MECOM: variants seen among roughly 807,000 people sequenced by gnomAD.
The protein encoded by MECOM is histone-lysine N-methyltransferase MECOM.
MECOM carries 13 observed loss-of-function variants against 116.3 expected under a neutral mutation model. That is an observed-to-expected ratio of 0.11 (90% CI 0.07 to 0.18). The LOEUF is 0.18. Among genes scored for constraint, MECOM ranks in the 10% least tolerant of loss-of-function variants. The pLI is 1.00. For missense variants in MECOM, 1,299 were observed against 1,509.0 expected, an observed-to-expected ratio of 0.86 and a Z score of 2.31; for synonymous variants, 528 against 535.2, an observed-to-expected ratio of 0.99 and a Z score of 0.19.
intron 2 of MECOM, among the ~76,000 whole-genome samples, chr3:169,379,602 A>G (rs1257824887): frequency 6.6e-6 from 1 of 152,132 alleles, no homozygotes. Flanking sequence ...TCATCCACCA[A>G]TCCATAGGTA....
At chr3:169,194,206 T>A (rs1306727673) in intron 2 of MECOM, among the ~76,000 whole-genome samples, 1 of 151,968 alleles carries the variant, frequency 6.6e-6, no homozygotes, top group Non-Finnish European at 1.5e-5. Context: ...TATAAAAAAA[T>A]CTTAAAAAAT....
chr3:169,221,591 G>A (rs1226221103), intron 2 of MECOM, among the ~76,000 whole-genome samples: 1 of 151,254 alleles, frequency 6.6e-6, no homozygotes, highest in African/African-American at 2.4e-5. Context: ...AAAGCCAGTG[G>A]CAGCTCCTGG....
chr3:169,527,208 G>A (rs1286193052), intron 1 of MECOM, among the ~76,000 whole-genome samples: 1 of 152,170 alleles, frequency 6.6e-6, no homozygotes, highest in African/African-American at 2.4e-5. Flanking sequence ...GGAGAAGGAG[G>A]GGGAGGAGGA....
intron 1 of MECOM, among the ~76,000 whole-genome samples, chr3:169,472,594 AAAGGAAAGGAAAGGAAAGG>A (rs1749630675): frequency 6.4e-5 from 4 of 62,796 alleles, no homozygotes; most frequent in African/African-American, 4.5e-4. Context: ...AAAGGAAAGG[AAAGGAAAGGAAAGGAAAGG>A]AAAGAAAAGA....
At chr3:169,358,025 T>G (rs2149817075) in intron 2 of MECOM, among the ~76,000 whole-genome samples, 1 of 151,934 alleles carries the variant, frequency 6.6e-6, no homozygotes. Context: ...CAGCGCCTTA[T>G]GTAAATCCAA....
At chr3:169,242,377 T>C (rs1754977034) in intron 2 of MECOM, among the ~76,000 whole-genome samples, 1 of 152,178 alleles carries the variant, frequency 6.6e-6, no homozygotes, top group African/African-American at 2.4e-5. Context: ...GTCTCAAGTC[T>C]ATGAGCTACA....
At chr3:169,615,384 CTAAAT>C (rs917661618) in intron 1 of MECOM, among the ~76,000 whole-genome samples, 5 of 152,202 alleles carry the variant, frequency 3.3e-5, no homozygotes, top group Non-Finnish European at 5.9e-5. Flanking sequence ...ACTTTGAGAA[CTAAAT>C]TAAAAGTTAT....
intron 2 of MECOM, among the ~76,000 whole-genome samples, chr3:169,269,811 C>T (rs922128997): frequency 6.6e-6 from 1 of 152,148 alleles, no homozygotes; most frequent in Non-Finnish European, 1.5e-5. Flanking sequence ...TTCTTTGGTG[C>T]TATTTTTAAT....
rs1273952169 is a variant in MECOM at position 169,108,093 on chromosome 3, G to A, written c.2578-141C>T. The A allele has an allele frequency of 2.5e-5, 14 of 563,016 alleles. No individual in the cohort carries two copies. In the South Asian group the frequency reaches 3.6e-4, roughly 14 times the overall value. The allele number at this position is 563,016 out of a possible 1,614,324, so 34.9% of individuals were successfully genotyped here. ...TAACTGTACCTTGAGTAAAAGCTTT[G>A]GAAATAAAAATTAAATATTGTTATA... On this transcript the variant is annotated intron_variant, in intron 9 of 16. Coordinates refer to ENST00000651503, the MANE Select transcript of MECOM (RefSeq NM_004991.4).
intron 1 of MECOM, among the ~76,000 whole-genome samples, chr3:169,588,269 C>G (rs191383706): frequency 6.6e-6 from 1 of 152,102 alleles, no homozygotes; most frequent in African/African-American, 2.4e-5. Flanking sequence ...GATGACTTCC[C>G]CAAGGCTGCC....
At chr3:169,559,927 G>T (rs768854138) in intron 1 of MECOM, among the ~76,000 whole-genome samples, 3 of 152,158 alleles carry the variant, frequency 2.0e-5, no homozygotes, top group Non-Finnish European at 2.9e-5. Context: ...AGGACTAGAT[G>T]TATTACATAT....
intron 1 of MECOM, among the ~76,000 whole-genome samples, chr3:169,448,773 G>A (rs180945029): frequency 1.4e-3 from 213 of 152,166 alleles, no homozygotes; most frequent in Admixed American, 2.6e-3. Flanking sequence ...TTCCAATTCC[G>A]TAATAAATGA....
intron 2 of MECOM, among the ~76,000 whole-genome samples, chr3:169,234,492 G>T (rs1434949697): frequency 6.6e-6 from 1 of 150,802 alleles, no homozygotes; most frequent in East Asian, 1.9e-4. Context: ...GGAAATAAAA[G>T]AAAAAAGAAA....
chr3:169,264,787 A>T (rs1165306789), intron 2 of MECOM, among the ~76,000 whole-genome samples: 1 of 152,150 alleles, frequency 6.6e-6, no homozygotes, highest in Non-Finnish European at 1.5e-5. Context: ...TTTCTACCTA[A>T]AGAGTAAGCA....
intron 1 of MECOM, among the ~76,000 whole-genome samples, chr3:169,405,747 A>G (rs2108423459): frequency 6.6e-6 from 1 of 152,264 alleles, no homozygotes; most frequent in Non-Finnish European, 1.5e-5. Flanking sequence ...TAAATGTACT[A>G]CCTCTTGAAC....
intron 2 of MECOM, among the ~76,000 whole-genome samples, chr3:169,351,274 A>G (rs1484991964): frequency 1.3e-5 from 2 of 151,910 alleles, no homozygotes; most frequent in African/African-American, 2.4e-5. Context: ...ATTTTTGTCA[A>G]TGAATACCTG....
chr3:169,141,407 T>C (rs764814541), intron 3 of MECOM, among the ~76,000 whole-genome samples: 18 of 152,058 alleles, frequency 1.2e-4, no homozygotes, highest in Non-Finnish European at 2.6e-4. Flanking sequence ...TCTCTCTCTA[T>C]AGCTAAATAT....
chr3:169,212,875 C>T (rs1258319217), intron 2 of MECOM, among the ~76,000 whole-genome samples: 1 of 151,124 alleles, frequency 6.6e-6, no homozygotes, highest in Admixed American at 6.6e-5. Context: ...TGCTCTCCTG[C>T]CTGGTTTTCA....
chr3:169,632,622 A>G (rs146275295), intron 1 of MECOM, among the ~76,000 whole-genome samples: 66 of 152,310 alleles, frequency 4.3e-4, no homozygotes, highest in Non-Finnish European at 7.6e-4. Flanking sequence ...CTCCAAGTTT[A>G]TGCTTTTGAG....
Sources: gnomAD v4.1 joint callset for allele counts (sites outside exome capture counted in the v4.1 genomes callset) on GRCh38, gnomAD v4.1.1 for gene constraint, MANE v1.5 for transcripts, NCBI Gene and HGNC (gene_info 2026-07-23, HGNC 2026-07-21) for gene names.